The following EYA1 variants were observed in gnomAD, a reference collection of about 807,000 sequenced individuals.
EYA1 encodes EYA transcriptional coactivator and phosphatase 1.
A neutral mutation model predicts 82.0 loss-of-function variants in EYA1; 16 were observed. The ratio of observed to expected loss-of-function variants is 0.20; its 90% confidence interval spans 0.13 to 0.30. The LOEUF is 0.30. Among genes scored for constraint, EYA1 ranks in the 10% least tolerant of loss-of-function variants. The pLI is 1.00. For synonymous variants in EYA1, 261 were observed against 264.4 expected (o/e 0.99, Z 0.12); for missense variants, 633 against 730.7 (o/e 0.87, Z 1.54).
chr8:71,430,482 C>T (rs980277030), intron 2 of EYA1, among the ~76,000 whole-genome samples: 1 of 152,152 alleles, frequency 6.6e-6, no homozygotes, highest in African/African-American at 2.4e-5. Context: ...ATCCTGGGAA[C>T]CAACATGAGA....
At chr8:71,527,579 T>G (rs1326369156) in intron 2 of EYA1, among the ~76,000 whole-genome samples, 2 of 152,162 alleles carry the variant, frequency 1.3e-5, no homozygotes, top group Non-Finnish European at 2.9e-5. Flanking sequence ...TCCCTGGGTA[T>G]CTGTGGAAGA....
intron 2 of EYA1, among the ~76,000 whole-genome samples, chr8:71,399,524 GA>G (rs1259108607): frequency 2.0e-5 from 3 of 152,112 alleles, no homozygotes; most frequent in African/African-American, 7.2e-5. Flanking sequence ...GCCAAATCAT[GA>G]ATGAACTCAC....
intron 2 of EYA1, among the ~76,000 whole-genome samples, chr8:71,408,101 A>C (rs984987925): frequency 7.9e-5 from 12 of 152,108 alleles, no homozygotes; most frequent in African/African-American, 2.9e-4. Context: ...TTCAACACAG[A>C]ATTTCATATC....
chr8:71,269,657 A>T, intron 11 of EYA1, 83 bp downstream of exon 11: 1 of 980,488 alleles, frequency 1.0e-6, no homozygotes, highest in Non-Finnish European at 1.6e-6. Flanking sequence ...TGTTAAAGTT[A>T]AATTACATTC....
chr8:71,497,332 C>G (rs892018859), intron 2 of EYA1, among the ~76,000 whole-genome samples: 1 of 152,160 alleles, frequency 6.6e-6, no homozygotes, highest in Non-Finnish European at 1.5e-5. Flanking sequence ...GTTGGATAAG[C>G]TTGTGATTAG....
chr8:71,359,068 C>G (rs186767934), intron 1 of EYA1, among the ~76,000 whole-genome samples: 30 of 152,182 alleles, frequency 2.0e-4, no homozygotes, highest in Non-Finnish European at 7.4e-5. Context: ...AGTCATTTCA[C>G]TTTAATGCTT....
chr8:71,356,597 C>T (rs1356467312), intron 1 of EYA1, 86 bp from the exon 2 acceptor site: 13 of 1,459,934 alleles, frequency 8.9e-6, no homozygotes, highest in East Asian at 2.6e-5. Context: ...TGGCTGAGAA[C>T]GACAATGCTC....
chr8:71,449,180 C>A, intron 2 of EYA1: 2 of 165,436 alleles, frequency 1.2e-5, no homozygotes, highest in South Asian at 2.9e-4. Context: ...ACTGGATTAT[C>A]ATTGTGGCCA....
At chr8:71,228,225 C>A (rs1278907626) in intron 12 of EYA1, among the ~76,000 whole-genome samples, 1 of 152,184 alleles carries the variant, frequency 6.6e-6, no homozygotes, top group Non-Finnish European at 1.5e-5. Flanking sequence ...TCAAAAAATT[C>A]TCTCCTCTAA....
intron 12 of EYA1, among the ~76,000 whole-genome samples, chr8:71,232,539 T>G (rs1585898286): frequency 6.6e-6 from 1 of 152,210 alleles, no homozygotes; most frequent in East Asian, 1.9e-4. Flanking sequence ...ATACAGTAGC[T>G]ACTTAACTGC....
At chr8:71,433,920 T>C (rs1470891716) in intron 2 of EYA1, among the ~76,000 whole-genome samples, 1 of 152,190 alleles carries the variant, frequency 6.6e-6, no homozygotes, top group African/African-American at 2.4e-5. Flanking sequence ...CTAACGCAGA[T>C]GGAGCAGGCA....
At chr8:71,538,153 T>A (rs1814859682) in intron 1 of EYA1, among the ~76,000 whole-genome samples, 1 of 152,208 alleles carries the variant, frequency 6.6e-6, no homozygotes, top group Non-Finnish European at 1.5e-5. Flanking sequence ...CTACTGATAT[T>A]TAGGAGCCTG....
At chr8:71,370,336 C>A (rs568371923) in intron 2 of EYA1, among the ~76,000 whole-genome samples, 9 of 149,344 alleles carry the variant, frequency 6.0e-5, no homozygotes, top group African/African-American at 1.7e-4. Context: ...GCTGGTCTAT[C>A]GGCCAGTAAT....
At chr8:71,228,321 C>T (rs903735980) in intron 12 of EYA1, among the ~76,000 whole-genome samples, 25 of 152,130 alleles carry the variant, frequency 1.6e-4, no homozygotes, top group Admixed American at 1.6e-3. Flanking sequence ...TAAGAGTGAA[C>T]TATTTAAGCT....
chr8:71,494,653 A>G (rs1245673098), intron 2 of EYA1, among the ~76,000 whole-genome samples: 2 of 152,152 alleles, frequency 1.3e-5, no homozygotes, highest in Admixed American at 1.3e-4. Context: ...AAAATGCTGC[A>G]CATTTGAAAT....
intron 6 of EYA1, among the ~76,000 whole-genome samples, chr8:71,321,272 A>G (rs915784993): frequency 2.0e-5 from 3 of 152,198 alleles, no homozygotes; most frequent in Non-Finnish European, 4.4e-5. Flanking sequence ...ATGGTTGATA[A>G]TGCTGAAATT....
At chr8:71,271,944 G>A in intron 9 of EYA1, 47 bp from the exon 10 acceptor site, 1 of 1,608,944 alleles carries the variant, frequency 6.2e-7, no homozygotes, top group Non-Finnish European at 8.5e-7. Context: ...CCATCACCAT[G>A]GTGCCAAGAT....
At chr8:71,250,628 A>G (rs1226467447) in intron 11 of EYA1, among the ~76,000 whole-genome samples, 1 of 152,254 alleles carries the variant, frequency 6.6e-6, no homozygotes, top group African/African-American at 2.4e-5. Context: ...CTGAAAAAAC[A>G]TAGTGGGAGG....
intron 11 of EYA1, among the ~76,000 whole-genome samples, chr8:71,245,352 G>A (rs1455543304): frequency 2.6e-5 from 4 of 151,266 alleles, no homozygotes; most frequent in Non-Finnish European, 2.9e-5. Context: ...TCAGCCTCCC[G>A]AGTAGCTGGG....
Sources: allele counts gnomAD v4.1 joint callset (sites outside exome capture counted in the v4.1 genomes callset), GRCh38; gene constraint gnomAD v4.1.1; transcripts MANE v1.5; gene names NCBI Gene and HGNC (gene_info 2026-07-23, HGNC 2026-07-21).